Variants in PLEKHA7 observed in about 807,000 individuals in gnomAD.
PLEKHA7 encodes the protein pleckstrin homology domain containing A7.
PLEKHA7 carries 104 observed loss-of-function variants against 170.0 expected under a neutral mutation model. The ratio of observed to expected loss-of-function variants is 0.61; its 90% CI spans 0.52 to 0.72. The LOEUF is 0.72. Among genes scored for constraint, PLEKHA7 ranks in the 30% least tolerant of loss-of-function variants. PLEKHA7 has a pLI of 0.00. For missense variants in PLEKHA7, 1,615 were observed against 1,671.7 expected (o/e 0.97, Z 0.59); for synonymous variants, 648 against 660.8 (o/e 0.98, Z 0.30).
At chr11:16,917,837 G>A (rs1590611260) in intron 3 of PLEKHA7, among the ~76,000 whole-genome samples, 2 of 152,218 alleles carry the variant, frequency 1.3e-5, no homozygotes, top group Non-Finnish European at 2.9e-5. Context: ...GTGACTGTTT[G>A]CCTTGTGCAA....
intron 18 of PLEKHA7, 80 bp from the exon 19 acceptor site, chr11:16,794,794 C>A (rs895965998): frequency 6.5e-6 from 10 of 1,540,100 alleles, no homozygotes; most frequent in Non-Finnish European, 9.0e-6. Context: ...TAATTTAGCA[C>A]CTCGAAGACT....
In PLEKHA7 at chr11:16,826,164, G is replaced by A. The variant is rs1277891687; in HGVS notation, c.1299C>T (p.Ala433=). The A allele has an allele frequency of 6.2e-7, 1 of 1,614,024 alleles. No individual in the cohort carries two copies. The highest frequency in any genetic ancestry group is 1.3e-5 in the African/African-American group (1 of 74,906). ...GGGCCCTTGCCCAGTGCTCCACCTG[G>A]GCCAGATTGCTCTTCCTTTGGCTGT... ...EKHSQRKSNL[A]QVEHWARAQK... Residue 433 remains alanine (A), a synonymous_variant, in exon 10 of 27, where the codon GCC becomes GCT. Transcript: ENST00000531066.
At chr11:16,914,541 A>G (rs553895503) in intron 3 of PLEKHA7, among the ~76,000 whole-genome samples, 1 of 152,290 alleles carries the variant, frequency 6.6e-6, no homozygotes, top group Non-Finnish European at 1.5e-5. Context: ...TCAATAATTC[A>G]TGGGGGTCTC....
chr11:16,925,570 G>T (rs1472990981), intron 3 of PLEKHA7, among the ~76,000 whole-genome samples: 1 of 152,192 alleles, frequency 6.6e-6, no homozygotes, highest in Non-Finnish European at 1.5e-5. Context: ...CCAGCGTGGC[G>T]GGGCACGCGT....
At chr11:16,896,464 TTCCCCTCAC>T (rs1027675115) in intron 3 of PLEKHA7, among the ~76,000 whole-genome samples, 8 of 152,162 alleles carry the variant, frequency 5.3e-5, no homozygotes, top group Non-Finnish European at 1.0e-4. Context: ...ATCCTACCTT[TTCCCCTCAC>T]TCCCCATCAG....
At chr11:16,795,194 G>A (rs1848136660) in intron 17 of PLEKHA7, 176 bp from the exon 18 acceptor site, 1 of 579,996 alleles carries the variant, frequency 1.7e-6, no homozygotes, top group Admixed American at 3.0e-5. Context: ...CATAGACAAG[G>A]AAAATGCCCA....
intron 13 of PLEKHA7, among the ~76,000 whole-genome samples, chr11:16,805,095 C>G (rs1001340201): frequency 7.2e-5 from 11 of 152,214 alleles, no homozygotes; most frequent in Admixed American, 7.2e-4. Context: ...TTCTCCAAAC[C>G]GGCTGACCTT....
In PLEKHA7 at chr11:16,783,688, G is replaced by A. The variant is rs776168432; in HGVS notation, c.3650+12C>T. On this transcript the variant is annotated intron_variant, in intron 25 of 26. Coordinates refer to ENST00000531066, the MANE Select transcript of PLEKHA7 (RefSeq NM_001329630.2). The stretch of plus-strand genomic sequence containing the variant: ...GGGTGACCTGCCAACACTTGAGCAA[G>A]CGAGGGCTGACCTTGACCGGGCGAG... 10 of 1,426,850 alleles carry A rather than the reference G, an allele frequency of 7.0e-6. No homozygotes were observed. In the East Asian group the frequency reaches 2.8e-4, roughly 40 times the overall value. 88.4% of individuals were successfully genotyped at this position (1,426,850 alleles called of 1,614,324 possible).
chr11:16,804,980 G>C (rs1315230153), intron 13 of PLEKHA7, among the ~76,000 whole-genome samples: 1 of 152,176 alleles, frequency 6.6e-6, no homozygotes, highest in African/African-American at 2.4e-5. Context: ...CAGAATGTGG[G>C]TTTTAAACTC....
chr11:16,778,708 C>T lies in PLEKHA7; in HGVS notation c.*290G>A. 2.1e-6 allele frequency: 1 copy of T among 484,676 alleles called. No individual in the cohort carries two copies. The highest frequency in any genetic ancestry group is 3.8e-6 in the Non-Finnish European group (1 of 265,202). 30.0% of individuals were successfully genotyped at this position (484,676 alleles called of 1,614,324 possible). Reference sequence around the variant, plus strand: ...CATCCTCAACCTTCCTGCCACTCAGCCCTTGAGGGGAACATTAGAAAATAG... The same window carrying T: ...CATCCTCAACCTTCCTGCCACTCAGTCCTTGAGGGGAACATTAGAAAATAG... On this transcript the variant is annotated 3_prime_UTR_variant, in exon 27 of 27. Transcript: ENST00000531066.
intron 3 of PLEKHA7, among the ~76,000 whole-genome samples, chr11:16,995,809 CCTATAAG>C (rs1864304675): frequency 6.6e-6 from 1 of 152,128 alleles, no homozygotes; most frequent in Admixed American, 6.5e-5. Flanking sequence ...ATTGCCTAAA[CCTATAAG>C]CTATAACAGC....
chr11:17,003,178 A>T (rs1864781613), intron 3 of PLEKHA7, among the ~76,000 whole-genome samples: 1 of 151,960 alleles, frequency 6.6e-6, no homozygotes, highest in South Asian at 2.1e-4. Flanking sequence ...TTTAGTAGAG[A>T]TGGGGTTTCT....
At chr11:16,914,306 C>T (rs906505684) in intron 3 of PLEKHA7, among the ~76,000 whole-genome samples, 2 of 152,104 alleles carry the variant, frequency 1.3e-5, no homozygotes, top group Non-Finnish European at 2.9e-5. Context: ...AAAACATCGA[C>T]ATTTAAAGTG....
chr11:16,800,923 AC>A, intron 17 of PLEKHA7, 50 bp downstream of exon 17: 1 of 1,527,436 alleles, frequency 6.5e-7, no homozygotes, highest in African/African-American at 1.4e-5. Flanking sequence ...AAAACAAAAA[AC>A]AAAAAACAAA....
At chr11:16,888,923 C>T (rs1856403662) in intron 3 of PLEKHA7, among the ~76,000 whole-genome samples, 2 of 142,082 alleles carry the variant, frequency 1.4e-5, no homozygotes. Flanking sequence ...AAAAAGAAAC[C>T]CTGTCTCTAC....
intron 3 of PLEKHA7, among the ~76,000 whole-genome samples, chr11:16,916,817 C>T (rs751795304): frequency 1.3e-5 from 2 of 152,148 alleles, no homozygotes; most frequent in Non-Finnish European, 2.9e-5. Context: ...TCTTCCCTGC[C>T]CACCTTCCTC....
chr11:16,833,826 C>T (rs1366704460), intron 9 of PLEKHA7, among the ~76,000 whole-genome samples: 3 of 152,164 alleles, frequency 2.0e-5, no homozygotes, highest in Admixed American at 2.0e-4. Context: ...GAGCTAAGCA[C>T]TTTACCACCT....
intron 3 of PLEKHA7, among the ~76,000 whole-genome samples, chr11:16,904,687 CTG>C (rs997693198): frequency 3.3e-5 from 5 of 152,124 alleles, no homozygotes; most frequent in East Asian, 3.9e-4. Context: ...TAAAAATTAA[CTG>C]TAATATGCCA....
At chr11:16,806,692 G>A (rs1027785504) in intron 13 of PLEKHA7, among the ~76,000 whole-genome samples, 1 of 152,202 alleles carries the variant, frequency 6.6e-6, no homozygotes, top group South Asian at 2.1e-4. Flanking sequence ...GCTCCAGGCT[G>A]TTATCCAAAT....
Sources: allele counts gnomAD v4.1 joint callset (sites outside exome capture counted in the v4.1 genomes callset), GRCh38; gene constraint gnomAD v4.1.1; transcripts MANE v1.5; gene names NCBI Gene and HGNC (gene_info 2026-07-23, HGNC 2026-07-21).